FAM118B: variants seen among roughly 807,000 people sequenced by gnomAD.
FAM118B encodes the protein SIR2 antiphage like 1.
FAM118B carries 24 observed loss-of-function variants against 38.5 expected under a neutral mutation model. The observed-to-expected ratio is 0.62, with a 90% CI of 0.45 to 0.88. The LOEUF (loss-of-function observed/expected upper bound fraction) is 0.88. FAM118B is among the 40% of genes least tolerant of loss of function. FAM118B has a pLI of 0.00. For missense variants in FAM118B, 334 were observed against 420.0 expected, an observed-to-expected ratio of 0.80 and a Z score of 1.79; for synonymous variants, 138 against 156.3, an observed-to-expected ratio of 0.88 and a Z score of 0.87.
intron 7 of FAM118B, 162 bp from the exon 8 acceptor site, chr11:126,261,263 T>C: frequency 3.3e-6 from 2 of 612,194 alleles, no homozygotes; most frequent in South Asian, 2.0e-5. Flanking sequence ...ACTACTCCAG[T>C]TTATCCTCTC....
Position 126,254,330 on chromosome 11 carries a change from G to T in FAM118B, c.593G>T (p.Arg198Leu). Residue 198 changes from arginine to leucine, a missense_variant, in exon 6 of 9, where the codon CGT becomes CTT. Physicochemically the swap from Arg to Leu is moderately radical, Grantham distance 102. This residue lies in a region of FAM118B where 240 missense variants were observed against 295.9 expected (regional missense o/e 0.81). Coordinates refer to ENST00000533050, the MANE Select transcript of FAM118B (RefSeq NM_024556.4). ...KKVLEWAQEKRKLSVLHIHGV... is the reference protein window; with the variant it reads ...KKVLEWAQEKLKLSVLHIHGV... ...GTCCTCGAGTGGGCTCAGGAGAAGC[G>T]TAAGCTGAGCGTGTTGCATATTCAC... 1.9e-6 allele frequency: 3 copies of T among 1,614,098 alleles called. No individual in the cohort carries two copies. The highest frequency in any genetic ancestry group is 2.5e-6 in the Non-Finnish European group (3 of 1,180,000).
chr11:126,235,205 C>A, intron 3 of FAM118B, 118 bp downstream of exon 3: 2 of 777,924 alleles, frequency 2.6e-6, no homozygotes, highest in South Asian at 1.8e-5. Flanking sequence ...CCTTCATACT[C>A]AAAATTAAAT....
At chr11:126,227,431 T>C (rs907731415) in intron 1 of FAM118B, among the ~76,000 whole-genome samples, 1 of 152,186 alleles carries the variant, frequency 6.6e-6, no homozygotes, top group African/African-American at 2.4e-5. Context: ...ACTAAACCTA[T>C]GATGGGTTTT....
At chr11:126,238,895 A>G (rs1222442284) in intron 3 of FAM118B, among the ~76,000 whole-genome samples, 2 of 151,892 alleles carry the variant, frequency 1.3e-5, no homozygotes, top group African/African-American at 2.4e-5. Context: ...AAAAAAAAAA[A>G]GTAACTATTA....
At chr11:126,248,555 A>C (rs1950452220) in intron 4 of FAM118B, among the ~76,000 whole-genome samples, 1 of 151,214 alleles carries the variant, frequency 6.6e-6, no homozygotes. Context: ...TTTTTAGTAG[A>C]GAGATGGGGT....
At chr11:126,219,047 G>T (rs576003133) in intron 1 of FAM118B, among the ~76,000 whole-genome samples, 1 of 152,036 alleles carries the variant, frequency 6.6e-6, no homozygotes, top group Admixed American at 6.6e-5. Context: ...ATGCCAATCC[G>T]TATTTTCAGA....
At chr11:126,211,731 G>A, upstream of FAM118B, 1 of 1,430,840 alleles carries the variant, frequency 7.0e-7, no homozygotes, top group Admixed American at 2.0e-5. Flanking sequence ...CACGTGGTGC[G>A]GGGTGGGGCC....
At chr11:126,235,265 A>G (rs1454267521) in intron 3 of FAM118B, among the ~76,000 whole-genome samples, 178 bp downstream of exon 3, 1 of 152,224 alleles carries the variant, frequency 6.6e-6, no homozygotes, top group Non-Finnish European at 1.5e-5. Flanking sequence ...CAGTACAGGT[A>G]CATAGTTTTT....
intron 3 of FAM118B, among the ~76,000 whole-genome samples, chr11:126,236,963 C>T (rs1197329579): frequency 7.5e-6 from 1 of 133,442 alleles, no homozygotes; most frequent in Non-Finnish European, 1.5e-5. Context: ...GTCTCCCAGG[C>T]TGGAGTGCAG....
chr11:126,230,074 T>G (rs1565328788), intron 2 of FAM118B, among the ~76,000 whole-genome samples: 1 of 152,170 alleles, frequency 6.6e-6, no homozygotes, highest in African/African-American at 2.4e-5. Context: ...TCACCATAGA[T>G]GAAATATTTC....
In FAM118B at chr11:126,237,078, G is replaced by A. The variant is rs562180452; in HGVS notation, c.86+1991G>A. Among the ~76,000 whole-genome samples the A allele has an allele frequency of 4.5e-3, 681 of 150,124 alleles. 3 individuals carry two copies. Among genetic ancestry groups the A allele is most frequent in the Non-Finnish European group, 6.1e-3 (411 of 67,600 alleles). ...ACTACAGGCGCCCGCCACCATGCCC[G>A]GCTAATTTTTTGTATTTTTAGTAGA... On this transcript the variant is annotated intron_variant, in intron 3 of 8. Transcript: ENST00000533050.
At chr11:126,232,587 T>C (rs1950221540) in intron 2 of FAM118B, among the ~76,000 whole-genome samples, 1 of 152,062 alleles carries the variant, frequency 6.6e-6, no homozygotes, top group Admixed American at 6.6e-5. Flanking sequence ...ATGTCATCTG[T>C]TTAGATGATG....
chr11:126,255,925 C>A lies in FAM118B; in HGVS notation c.697-642C>A, dbSNP rs1177049243. On this transcript the variant is annotated intron_variant, in intron 6 of 8. Transcript: ENST00000533050. The surrounding 1 kb of genome is among the most constrained non-coding windows in gnomAD (Gnocchi z 4.6). Reference sequence around the variant, plus strand: ...GAGCCAAGACCATGCCACTGCACTCCAGCCTAGGTGGCAGAGCAAGACTCT... The same window carrying A: ...GAGCCAAGACCATGCCACTGCACTCAAGCCTAGGTGGCAGAGCAAGACTCT... Among the ~76,000 whole-genome samples, 2 of 152,078 alleles carry A rather than the reference C, an allele frequency of 1.3e-5. No individual in the cohort carries two copies. Among genetic ancestry groups the A allele is most frequent in the African/African-American group, 4.8e-5 (2 of 41,398 alleles).
chr11:126,220,520 C>A (rs1032251745), intron 1 of FAM118B, among the ~76,000 whole-genome samples: 2 of 152,024 alleles, frequency 1.3e-5, no homozygotes, highest in Non-Finnish European at 2.9e-5. Context: ...TCAAGATCAG[C>A]CTGGTCAACA....
intron 1 of FAM118B, among the ~76,000 whole-genome samples, chr11:126,224,975 A>G (rs1950120988): frequency 1.3e-5 from 2 of 152,214 alleles, no homozygotes; most frequent in Admixed American, 1.3e-4. Context: ...AAATAATGCA[A>G]ATGTTCCTTA....
At position 126,255,690 on chromosome 11, in the gene FAM118B, C is replaced by T. The variant is rs774759997; in HGVS notation, c.697-877C>T. On this transcript the variant is annotated intron_variant, in intron 6 of 8. Transcript: ENST00000533050. This position sits in a 1 kb window ranked among gnomAD's most constrained non-coding sequence, Gnocchi z 4.6. ...CTGGGCACATAAATCTAAAAAAGTA[C>T]GCCTGTAATCCCAACACTTTGGGAG... 1.6e-4 allele frequency among the ~76,000 whole-genome samples: 25 copies of T among 152,152 alleles called. No individual in the cohort carries two copies. The highest frequency in any genetic ancestry group is 2.8e-4 in the Non-Finnish European group (19 of 68,012).
At position 126,250,694 on chromosome 11, in the gene FAM118B, G is replaced by A. The variant is rs762061655; in HGVS notation, c.528G>A (p.Gly176=). 2 of 1,614,074 alleles carry A rather than the reference G, an allele frequency of 1.2e-6. No homozygotes were observed. Among genetic ancestry groups the A allele is most frequent in the Admixed American group, 1.7e-5 (1 of 60,014 alleles). The change falls in exon 5 of 9, where the codon GGG becomes GGA. Residue 176 remains glycine (G), a synonymous_variant. Coordinates refer to ENST00000533050, the MANE Select transcript of FAM118B (RefSeq NM_024556.4). The surrounding 1 kb of genome is among the most constrained non-coding windows in gnomAD (Gnocchi z 5.1). The part of the protein sequence containing the change: ...NLLELYAADQ[G]KQLESLDLTD... The stretch of plus-strand genomic sequence containing the variant: ...TGGAACTGTATGCAGCAGATCAGGG[G>A]AAACAGCTTGAATCCCTTGACCTTA...
At chr11:126,248,105 C>G (rs1028919363) in intron 4 of FAM118B, among the ~76,000 whole-genome samples, 18 of 149,514 alleles carry the variant, frequency 1.2e-4, no homozygotes, top group African/African-American at 4.4e-4. Context: ...AAAATCACGC[C>G]ATTGCACTCC....
At chr11:126,261,584 G>C in intron 8 of FAM118B, 100 bp downstream of exon 8, 1 of 939,592 alleles carries the variant, frequency 1.1e-6, no homozygotes. Flanking sequence ...ACCTCACATT[G>C]CCAAATTTTA....
Sources: allele counts gnomAD v4.1 joint callset (sites outside exome capture counted in the v4.1 genomes callset), GRCh38; gene constraint gnomAD v4.1.1; regional missense constraint gnomAD v4.1.1; non-coding constraint Gnocchi (gnomAD v3.1); transcripts MANE v1.5; gene names NCBI Gene and HGNC (gene_info 2026-07-23, HGNC 2026-07-21).